The following GRIK1 variants were observed in gnomAD, a reference collection of about 807,000 sequenced individuals.
GRIK1 encodes glutamate receptor ionotropic, kainate 1.
A neutral mutation model predicts 105.7 loss-of-function variants in GRIK1; 69 were observed. The ratio of observed to expected loss-of-function variants is 0.65; its 90% CI spans 0.54 to 0.80. The LOEUF (loss-of-function observed/expected upper bound fraction) is 0.80, where lower values mean the gene tolerates loss of function less well. Ranked by LOEUF, GRIK1 falls within the 30% of genes least tolerant of loss-of-function variation. The pLI is 0.00. For missense variants in GRIK1, 1,109 were observed against 1,167.3 expected, an observed-to-expected ratio of 0.95 and a Z score of 0.73; for synonymous variants, 438 against 431.3, an observed-to-expected ratio of 1.02 and a Z score of -0.19.
intron 1 of GRIK1, among the ~76,000 whole-genome samples, chr21:29,874,372 A>G (rs1436470906): frequency 1.3e-5 from 2 of 152,130 alleles, no homozygotes; most frequent in Non-Finnish European, 2.9e-5. Context: ...GACTTAGATA[A>G]GGCTTGGGGA....
At chr21:29,927,608 C>T (rs2071420226) in intron 1 of GRIK1, among the ~76,000 whole-genome samples, 1 of 151,354 alleles carries the variant, frequency 6.6e-6, no homozygotes, top group Admixed American at 6.6e-5. Flanking sequence ...CATGGTGGCT[C>T]ACACCTGTAA....
At chr21:29,653,160 G>C (rs2062776797) in intron 5 of GRIK1, among the ~76,000 whole-genome samples, 1 of 152,174 alleles carries the variant, frequency 6.6e-6, no homozygotes, top group African/African-American at 2.4e-5. Context: ...CAAAGTTAAA[G>C]AAGAGGACCC....
chr21:29,828,473 C>G (rs55912487), intron 1 of GRIK1, among the ~76,000 whole-genome samples: 1 of 151,642 alleles, frequency 6.6e-6, no homozygotes, highest in Non-Finnish European at 1.5e-5. Context: ...GGTGAAAGCA[C>G]TTTATATTAT....
chr21:29,759,354 G>A (rs890412697), intron 1 of GRIK1, among the ~76,000 whole-genome samples: 2 of 152,066 alleles, frequency 1.3e-5, no homozygotes, highest in African/African-American at 2.4e-5. Context: ...TCCTGATCTC[G>A]TGATCCGCCC....
intron 7 of GRIK1, among the ~76,000 whole-genome samples, chr21:29,641,143 A>G (rs1163178809): frequency 1.3e-5 from 2 of 152,216 alleles, no homozygotes; most frequent in East Asian, 3.8e-4. Context: ...TATAGATAAG[A>G]AAACTGAGAG....
At chr21:29,659,696 C>T (rs1445063360) in intron 4 of GRIK1, among the ~76,000 whole-genome samples, 3 of 152,178 alleles carry the variant, frequency 2.0e-5, no homozygotes, top group African/African-American at 7.2e-5. Context: ...CGCGGTGGCT[C>T]ACGCTTGTAA....
At chr21:29,704,870 G>A (rs2063874353) in intron 1 of GRIK1, among the ~76,000 whole-genome samples, 1 of 152,106 alleles carries the variant, frequency 6.6e-6, no homozygotes, top group Non-Finnish European at 1.5e-5. Context: ...CAGATTTCAG[G>A]CAAGAACCAG....
At chr21:29,675,274 G>A (rs1177124824) in intron 3 of GRIK1, among the ~76,000 whole-genome samples, 2 of 152,098 alleles carry the variant, frequency 1.3e-5, no homozygotes, top group African/African-American at 4.8e-5. Flanking sequence ...ATATGGCTTA[G>A]GACTTGTTGA....
At chr21:29,635,920 G>A (rs1389820653) in intron 7 of GRIK1, among the ~76,000 whole-genome samples, 4 of 152,076 alleles carry the variant, frequency 2.6e-5, no homozygotes, top group Admixed American at 6.6e-5. Flanking sequence ...CAGAAGAGAC[G>A]GTCAAACAGG....
At chr21:29,555,396 C>A (rs760385940) in intron 15 of GRIK1, 94 bp from the exon 16 acceptor site, 5 of 1,225,556 alleles carry the variant, frequency 4.1e-6, no homozygotes, top group Non-Finnish European at 5.7e-6. Flanking sequence ...AACTATGTTA[C>A]GGCTGTTGTG....
chr21:29,806,878 G>T (rs551243352), intron 1 of GRIK1, among the ~76,000 whole-genome samples: 10 of 152,180 alleles, frequency 6.6e-5, no homozygotes, highest in African/African-American at 2.4e-4. Context: ...TATCCATAAA[G>T]GTTTTTAGAA....
At chr21:29,916,157 T>C (rs747918894) in intron 1 of GRIK1, among the ~76,000 whole-genome samples, 2 of 152,010 alleles carry the variant, frequency 1.3e-5, no homozygotes, top group Non-Finnish European at 2.9e-5. Flanking sequence ...CTTAGAAAAT[T>C]ACACAGAATG....
chr21:29,932,881 T>C (rs998620132), intron 1 of GRIK1, among the ~76,000 whole-genome samples: 10 of 151,602 alleles, frequency 6.6e-5, no homozygotes, highest in African/African-American at 2.4e-4. Flanking sequence ...CTAATATGAA[T>C]TTTCAATTTA....
intron 1 of GRIK1, among the ~76,000 whole-genome samples, chr21:29,906,268 CACATGGCTAA>C (rs1331635670): frequency 6.6e-6 from 1 of 152,148 alleles, no homozygotes; most frequent in Non-Finnish European, 1.5e-5. Flanking sequence ...ATGTAATCCT[CACATGGCTAA>C]AAGAAACAGC....
intron 1 of GRIK1, among the ~76,000 whole-genome samples, chr21:29,900,875 C>G (rs965120163): frequency 6.6e-6 from 1 of 152,058 alleles, no homozygotes; most frequent in Non-Finnish European, 1.5e-5. Context: ...TAAAATTGAC[C>G]ACGTAATTGG....
At chr21:29,746,035 C>T (rs765049985) in intron 1 of GRIK1, among the ~76,000 whole-genome samples, 17 of 152,110 alleles carry the variant, frequency 1.1e-4, no homozygotes, top group African/African-American at 2.4e-4. Flanking sequence ...ACCTGGGAGG[C>T]AGAGCTTGCA....
At chr21:29,836,657 G>A (rs536643717) in intron 1 of GRIK1, among the ~76,000 whole-genome samples, 64 of 152,018 alleles carry the variant, frequency 4.2e-4, no homozygotes, top group African/African-American at 1.5e-3. Context: ...ACATATACAT[G>A]TGTAATGTTG....
At chr21:29,780,770 G>A (rs922675621) in intron 1 of GRIK1, among the ~76,000 whole-genome samples, 1 of 152,098 alleles carries the variant, frequency 6.6e-6, no homozygotes, top group Non-Finnish European at 1.5e-5. Context: ...CATCTTTATA[G>A]TATATTTCAA....
chr21:29,829,735 T>A (rs1340673810), intron 1 of GRIK1, among the ~76,000 whole-genome samples: 2 of 152,188 alleles, frequency 1.3e-5, no homozygotes, highest in East Asian at 3.9e-4. Context: ...AGATATGAAT[T>A]ATTCATTGAC....
Sources: gnomAD v4.1 joint callset for allele counts (sites outside exome capture counted in the v4.1 genomes callset) on GRCh38, gnomAD v4.1.1 for gene constraint, MANE v1.5 for transcripts, NCBI Gene and HGNC (gene_info 2026-07-23, HGNC 2026-07-21) for gene names.